The following CTNNA3 variants were observed in gnomAD, a reference collection of about 807,000 sequenced individuals.
CTNNA3 encodes catenin alpha-3.
Under a neutral mutation model 95.7 loss-of-function variants are expected in CTNNA3, and 76 were observed. The observed-to-expected ratio is 0.79, with a 90% CI of 0.66 to 0.96. CTNNA3 has a LOEUF of 0.96. Among genes scored for constraint, CTNNA3 ranks in the 40% least tolerant of loss-of-function variants. The probability of loss-of-function intolerance (pLI) is 0.00; values close to 1 mark genes in which losing one functional copy is unlikely to be tolerated. For synonymous variants in CTNNA3, 431 were observed against 374.4 expected, an observed-to-expected ratio of 1.15 and a Z score of -1.74; for missense variants, 1,191 against 1,089.8, an observed-to-expected ratio of 1.09 and a Z score of -1.31.
intron 5 of CTNNA3, among the ~76,000 whole-genome samples, chr10:67,348,699 A>C (rs1284964819): frequency 6.6e-6 from 1 of 152,288 alleles, no homozygotes; most frequent in Middle Eastern, 3.4e-3. Flanking sequence ...GACAGCACCA[A>C]GATTTTCATA....
chr10:67,502,491 G>A (rs890695518), intron 5 of CTNNA3, among the ~76,000 whole-genome samples: 12 of 152,216 alleles, frequency 7.9e-5, no homozygotes, highest in Non-Finnish European at 1.5e-4. Context: ...AGCAGAGCTC[G>A]AGCGCTGTGC....
At chr10:66,985,001 C>G (rs942160725) in intron 7 of CTNNA3, among the ~76,000 whole-genome samples, 22 of 152,102 alleles carry the variant, frequency 1.4e-4, no homozygotes, top group African/African-American at 5.3e-4. Flanking sequence ...TACTGTTGAG[C>G]CAAAATATTT....
chr10:67,078,718 A>G (rs1048194702), intron 7 of CTNNA3, among the ~76,000 whole-genome samples: 16 of 152,084 alleles, frequency 1.1e-4, no homozygotes, highest in Admixed American at 7.9e-4. Flanking sequence ...GGGTTTCACC[A>G]TGTTAGCCAG....
intron 7 of CTNNA3, among the ~76,000 whole-genome samples, chr10:66,971,683 A>G (rs1319765488): frequency 6.6e-6 from 1 of 152,162 alleles, no homozygotes; most frequent in Non-Finnish European, 1.5e-5. Context: ...TGGTAAGAAC[A>G]GGTAAGGGTA....
At chr10:67,727,111 A>C (rs1195578333) in intron 1 of CTNNA3, among the ~76,000 whole-genome samples, 2 of 121,794 alleles carry the variant, frequency 1.6e-5, no homozygotes, top group African/African-American at 6.4e-5. Flanking sequence ...TATATGATAC[A>C]TATATGATAT....
At chr10:67,143,405 G>A (rs1028247544) in intron 7 of CTNNA3, among the ~76,000 whole-genome samples, 6 of 95,702 alleles carry the variant, frequency 6.3e-5, no homozygotes, top group African/African-American at 2.2e-4. Context: ...CAGCCTGGGT[G>A]ACTGAGCAAG....
intron 3 of CTNNA3, among the ~76,000 whole-genome samples, chr10:67,564,717 A>C (rs1484434278): frequency 8.4e-5 from 7 of 83,586 alleles, no homozygotes; most frequent in Admixed American, 1.3e-4. Context: ...ATATATATAT[A>C]TCACTATGAT....
chr10:66,453,165 C>T (rs1469355789), intron 11 of CTNNA3, among the ~76,000 whole-genome samples: 1 of 151,062 alleles, frequency 6.6e-6, no homozygotes, highest in Non-Finnish European at 1.5e-5. Context: ...TGCAGTGAGC[C>T]GAGATCGTGC....
intron 7 of CTNNA3, among the ~76,000 whole-genome samples, chr10:67,120,298 T>G (rs982949597): frequency 6.8e-4 from 104 of 152,060 alleles, no homozygotes; most frequent in African/African-American, 2.5e-3. Context: ...AATTATCACT[T>G]TATACTACGA....
intron 7 of CTNNA3, among the ~76,000 whole-genome samples, chr10:67,177,138 G>A (rs955527447): frequency 2.0e-4 from 31 of 152,154 alleles, no homozygotes; most frequent in Non-Finnish European, 1.8e-4. Flanking sequence ...ATAATCAATA[G>A]TGTTAAGTGG....
intron 12 of CTNNA3, among the ~76,000 whole-genome samples, chr10:66,328,677 T>C (rs78344627): frequency 0.015 from 2,258 of 151,660 alleles, 55 homozygotes; most frequent in African/African-American, 0.052. Context: ...AAATGAGGAA[T>C]GACCCATGCA....
In CTNNA3 at chr10:66,456,948, G is replaced by T. The variant is rs79351589; in HGVS notation, c.1531+63669C>A. ...ATCTCTACAAATTTTTTAAAAATTA[G>T]CTGGGTGTGGTGGCATGCACTGGTA... On this transcript the variant is annotated intron_variant, in intron 11 of 17. Transcript: ENST00000433211. 0.02 allele frequency among the ~76,000 whole-genome samples: 3,096 copies of T among 152,030 alleles called. 207 individuals are homozygous for T. In the East Asian group the frequency reaches 0.24, roughly 12 times the overall value.
intron 9 of CTNNA3, among the ~76,000 whole-genome samples, chr10:66,694,727 A>G (rs990058955): frequency 1.2e-4 from 18 of 152,206 alleles, no homozygotes; most frequent in Admixed American, 5.9e-4. Context: ...AAACAATAGC[A>G]TACCATAATC....
At chr10:67,129,737 C>A (rs1454311876) in intron 7 of CTNNA3, among the ~76,000 whole-genome samples, 1 of 152,110 alleles carries the variant, frequency 6.6e-6, no homozygotes. Context: ...TAAGTGAAGT[C>A]TTTCAGTATT....
rs758644488 is a variant in CTNNA3, at chr10:66,927,469, C to T, written c.1048-151945G>A. 3.1e-6 allele frequency: 5 copies of T among 1,614,102 alleles called. No homozygotes were observed. Among genetic ancestry groups the T allele is most frequent in the Non-Finnish European group, 4.2e-6 (5 of 1,180,032 alleles). On this transcript the variant is annotated intron_variant, in intron 7 of 17. Transcript: ENST00000433211. The surrounding 1 kb of genome is among the most constrained non-coding windows in gnomAD (Gnocchi z 4.7). ...ATTCCAAGACTGCCGCAACCTGGAA[C>T]TTTTGGACCTGGGATATAACCGGAT...
intron 7 of CTNNA3, among the ~76,000 whole-genome samples, chr10:66,873,037 T>C (rs529238876): frequency 1.3e-5 from 2 of 152,206 alleles, no homozygotes; most frequent in Non-Finnish European, 2.9e-5. Context: ...CATTGTTTCT[T>C]ATAGCTACAT....
chr10:66,850,437 A>T (rs1843444555), intron 7 of CTNNA3, among the ~76,000 whole-genome samples: 1 of 152,088 alleles, frequency 6.6e-6, no homozygotes, highest in Non-Finnish European at 1.5e-5. Flanking sequence ...TTTCTTTTTT[A>T]AAAAATCTAA....
At chr10:65,930,026 G>T (rs1365003225) in intron 17 of CTNNA3, among the ~76,000 whole-genome samples, 2 of 151,672 alleles carry the variant, frequency 1.3e-5, no homozygotes, top group Non-Finnish European at 2.9e-5. Context: ...GAAGGGGCAG[G>T]TACTGTGACT....
At chr10:66,931,617 G>T (rs1178096864) in intron 7 of CTNNA3, among the ~76,000 whole-genome samples, 1 of 152,084 alleles carries the variant, frequency 6.6e-6, no homozygotes, top group African/African-American at 2.4e-5. Context: ...GAATCCTTAT[G>T]TAAACGTGGT....
Sources: gnomAD v4.1 joint callset for allele counts (sites outside exome capture counted in the v4.1 genomes callset) on GRCh38, gnomAD v4.1.1 for gene constraint, Gnocchi (gnomAD v3.1) non-coding constraint, MANE v1.5 for transcripts, NCBI Gene and HGNC (gene_info 2026-07-23, HGNC 2026-07-21) for gene names.